The following SMAD3 variants were observed in gnomAD, a reference collection of about 807,000 sequenced individuals.
SMAD3 encodes MAD homolog 3.
In SMAD3, 12 loss-of-function variants were observed where a neutral mutation model predicts 51.8. The observed-to-expected ratio is 0.23, with a 90% confidence interval of 0.15 to 0.38. The LOEUF (loss-of-function observed/expected upper bound fraction) is 0.38, where lower values mean the gene tolerates loss of function less well. SMAD3 is among the 10% of genes least tolerant of loss of function. SMAD3 has a pLI of 1.00. For missense variants in SMAD3, 294 were observed against 565.6 expected, an observed-to-expected ratio of 0.52 and a Z score of 4.87; for synonymous variants, 238 against 227.7, an observed-to-expected ratio of 1.05 and a Z score of -0.41.
At chr15:67,131,969 C>A (rs74020109) in intron 1 of SMAD3, among the ~76,000 whole-genome samples, 2 of 152,120 alleles carry the variant, frequency 1.3e-5, no homozygotes, top group African/African-American at 4.8e-5. Flanking sequence ...CCAATCTCCC[C>A]CTTCTGTCTT....
At chr15:67,182,373 G>T (rs79545745) in intron 6 of SMAD3, among the ~76,000 whole-genome samples, 4 of 152,270 alleles carry the variant, frequency 2.6e-5, no homozygotes, top group Admixed American at 2.0e-4. Flanking sequence ...AGGATTTTAC[G>T]ATCCAGAATC....
chr15:67,071,626 A>G (rs911479504), intron 1 of SMAD3, among the ~76,000 whole-genome samples: 1 of 152,178 alleles, frequency 6.6e-6, no homozygotes, highest in Admixed American at 6.5e-5. Context: ...TCTGGCTAAC[A>G]CGGTGAAACC....
chr15:67,096,046 C>T (rs1156571916), intron 1 of SMAD3, among the ~76,000 whole-genome samples: 2 of 151,994 alleles, frequency 1.3e-5, no homozygotes, highest in Non-Finnish European at 2.9e-5. Flanking sequence ...TAGCAGGGGC[C>T]CTGACAGTCC....
chr15:67,079,546 G>A (rs1411625305), intron 1 of SMAD3, among the ~76,000 whole-genome samples: 1 of 152,196 alleles, frequency 6.6e-6, no homozygotes, highest in Non-Finnish European at 1.5e-5. Context: ...AGTGTTGACT[G>A]TTAGCAAATC....
At chr15:67,151,553 G>A (rs915205991) in intron 1 of SMAD3, among the ~76,000 whole-genome samples, 1 of 152,106 alleles carries the variant, frequency 6.6e-6, no homozygotes, top group East Asian at 1.9e-4. Context: ...GGCTGGTCTC[G>A]AACTCCTGAC....
chr15:67,143,264 T>G (rs1054666438), intron 1 of SMAD3, among the ~76,000 whole-genome samples: 4 of 152,268 alleles, frequency 2.6e-5, no homozygotes, highest in Admixed American at 2.6e-4. Flanking sequence ...TTAGTGTACA[T>G]ATTTGTCACA....
chr15:67,095,692 C>T (rs1183632344), intron 1 of SMAD3, among the ~76,000 whole-genome samples: 1 of 152,108 alleles, frequency 6.6e-6, no homozygotes, highest in Non-Finnish European at 1.5e-5. Flanking sequence ...CCACCACACC[C>T]AGCTAATTTT....
intron 1 of SMAD3, among the ~76,000 whole-genome samples, chr15:67,117,117 C>T (rs1961152950): frequency 1.3e-5 from 2 of 152,276 alleles, no homozygotes; most frequent in Non-Finnish European, 2.9e-5. Context: ...AGGGATGTGG[C>T]TCCTTGAGAT....
intron 1 of SMAD3, among the ~76,000 whole-genome samples, chr15:67,111,329 T>G (rs977160172): frequency 7.2e-5 from 11 of 152,238 alleles, no homozygotes; most frequent in African/African-American, 2.7e-4. Context: ...ACTTCATTCC[T>G]TTTTATGGCC....
intron 1 of SMAD3, among the ~76,000 whole-genome samples, chr15:67,096,214 G>C (rs921913513): frequency 1.3e-5 from 2 of 152,148 alleles, no homozygotes; most frequent in Non-Finnish European, 2.9e-5. Context: ...ACGGAAGAAG[G>C]GAAAGGAAAG....
intron 1 of SMAD3, chr15:67,125,747 G>A: frequency 1.0e-6 from 1 of 985,718 alleles, no homozygotes; most frequent in Non-Finnish European, 1.2e-6. Flanking sequence ...GGAGGAGGAT[G>A]ACAGAGGAGC....
Position 67,193,843 on chromosome 15 carries a change from A to C in SMAD3, c.*3307A>C, listed in dbSNP as rs1217342406. The C allele has an allele frequency of 4.3e-6, 1 of 233,212 alleles. No homozygotes were observed. The allele number at this position is 233,212 out of a possible 1,614,324, so 14.4% of individuals were successfully genotyped here. A position where few individuals can be genotyped will look rare whatever the true frequency, so the allele number is the denominator to read the frequency against. Reference sequence around the variant, plus strand: ...AGAGTTTGGACATATTCCAGGCTAAATGCTTTTACTCAAGACTACAGAAAG... The same window carrying C: ...AGAGTTTGGACATATTCCAGGCTAACTGCTTTTACTCAAGACTACAGAAAG... On this transcript the variant is annotated 3_prime_UTR_variant, in exon 9 of 9. Coordinates refer to ENST00000327367, the MANE Select transcript of SMAD3 (RefSeq NM_005902.4).
At chr15:67,107,993 G>A (rs1445172063) in intron 1 of SMAD3, among the ~76,000 whole-genome samples, 5 of 33,716 alleles carry the variant, frequency 1.5e-4, no homozygotes, top group African/African-American at 6.2e-4. Context: ...CACCTCCCGC[G>A]CTGTGCCCAG....
chr15:67,093,285 C>T (rs905788062), intron 1 of SMAD3, among the ~76,000 whole-genome samples: 13 of 152,134 alleles, frequency 8.5e-5, no homozygotes, highest in Non-Finnish European at 1.5e-4. Flanking sequence ...CGATGATGGA[C>T]GCAAAAACTG....
chr15:67,120,867 G>A (rs1018389301), intron 1 of SMAD3, among the ~76,000 whole-genome samples: 3 of 151,656 alleles, frequency 2.0e-5, no homozygotes, highest in South Asian at 4.2e-4. Flanking sequence ...TTTTTTTTGC[G>A]ATTATTTTTT....
intron 1 of SMAD3, chr15:67,126,075 G>A: frequency 1.7e-6 from 1 of 596,764 alleles, no homozygotes; most frequent in Non-Finnish European, 2.1e-6. Flanking sequence ...CACTCCCTGA[G>A]TCCTTAGGGA....
intron 1 of SMAD3, chr15:67,138,329 G>GCTCCCCTCCCCTGAAC: frequency 2.0e-6 from 1 of 503,598 alleles, no homozygotes; most frequent in South Asian, 2.4e-5. Flanking sequence ...CTGGGACCCT[G>GCTCCCCTCCCCTGAAC]CTCCCCTCCC....
intron 5 of SMAD3, among the ~76,000 whole-genome samples, chr15:67,179,814 C>T (rs1401145198): frequency 1.3e-5 from 2 of 151,930 alleles, no homozygotes; most frequent in African/African-American, 2.4e-5. Context: ...AGGGCTGAGA[C>T]GTGGGCATGG....
chr15:67,175,724 A>G (rs952341523), intron 5 of SMAD3, among the ~76,000 whole-genome samples: 4 of 152,120 alleles, frequency 2.6e-5, no homozygotes, highest in African/African-American at 9.7e-5. Context: ...CCTCTGCTTC[A>G]TGAGCCCCTG....
Sources: allele counts gnomAD v4.1 joint callset (sites outside exome capture counted in the v4.1 genomes callset), GRCh38; gene constraint gnomAD v4.1.1; transcripts MANE v1.5; gene names NCBI Gene and HGNC (gene_info 2026-07-23, HGNC 2026-07-21).